The following KCNT2 variants were observed in gnomAD, a reference collection of about 807,000 sequenced individuals.
The protein encoded by KCNT2 is potassium sodium-activated channel subfamily T member 2, also known as potassium channel subfamily T member 2.
KCNT2 carries 67 observed loss-of-function variants against 153.8 expected under a neutral mutation model. That is an observed-to-expected ratio of 0.44 (90% CI 0.36 to 0.53). The LOEUF is 0.53. Among genes scored for constraint, KCNT2 ranks in the 20% least tolerant of loss-of-function variants. The pLI is 0.00. For synonymous variants in KCNT2, 500 were observed against 458.8 expected (o/e 1.09, Z -1.15); for missense variants, 975 against 1,354.8 (o/e 0.72, Z 4.40).
intron 12 of KCNT2, among the ~76,000 whole-genome samples, chr1:196,401,574 A>G (rs141865181): frequency 2.5e-4 from 38 of 151,928 alleles, no homozygotes; most frequent in Admixed American, 1.5e-3. Flanking sequence ...GCTTTGAAAC[A>G]GATTGGGAAT....
chr1:196,307,246 C>T lies in KCNT2; in HGVS notation c.2484-1901G>A. ...TGTTTCTTAGTTAAATCGGTTATTA[C>T]TATTTTCTTAGTTTTTAAAATTTTT... On this transcript the variant is annotated intron_variant, in intron 21 of 27. Coordinates refer to ENST00000294725, the MANE Select transcript of KCNT2 (RefSeq NM_198503.5). Among the ~76,000 whole-genome samples the T allele has an allele frequency of 1.3e-5, 2 of 152,166 alleles. 1 individual carries two copies. Among genetic ancestry groups the T allele is most frequent in the South Asian group, 4.1e-4 (2 of 4,824 alleles).
chr1:196,545,002 A>T (rs942366473), intron 1 of KCNT2, among the ~76,000 whole-genome samples: 1 of 152,134 alleles, frequency 6.6e-6, no homozygotes, highest in Non-Finnish European at 1.5e-5. Flanking sequence ...ACAGGAAAAA[A>T]GGGGGAAAAA....
intron 13 of KCNT2, among the ~76,000 whole-genome samples, chr1:196,379,561 GACTT>G (rs1669284926): frequency 8.2e-6 from 1 of 121,970 alleles, no homozygotes; most frequent in Non-Finnish European, 1.7e-5. Context: ...AATACAGTGA[GACTT>G]TCTCTCTCTC....
At chr1:196,314,371 A>AT (rs1662496329) in intron 21 of KCNT2, among the ~76,000 whole-genome samples, 1 of 151,396 alleles carries the variant, frequency 6.6e-6, no homozygotes. Flanking sequence ...CTACCCTGTA[A>AT]TTTTCTTTTA....
At chr1:196,572,861 GATGC>G (rs2148954687) in intron 1 of KCNT2, among the ~76,000 whole-genome samples, 1 of 152,130 alleles carries the variant, frequency 6.6e-6, no homozygotes, top group African/African-American at 2.4e-5. Flanking sequence ...GTTGTTTCTT[GATGC>G]ATGATGACAC....
chr1:196,587,802 C>T (rs1662869923), intron 1 of KCNT2, among the ~76,000 whole-genome samples: 1 of 151,948 alleles, frequency 6.6e-6, no homozygotes, highest in African/African-American at 2.4e-5. Flanking sequence ...TACGCAATGG[C>T]ATGGGTAGGG....
chr1:196,283,210 C>A (rs1330406605), intron 23 of KCNT2, among the ~76,000 whole-genome samples: 1 of 152,084 alleles, frequency 6.6e-6, no homozygotes, highest in Non-Finnish European at 1.5e-5. Context: ...CTGGGAGGCC[C>A]AGCACTCCTG....
chr1:196,436,936 A>T (rs1443142484), intron 8 of KCNT2, among the ~76,000 whole-genome samples: 1 of 142,088 alleles, frequency 7.0e-6, no homozygotes, highest in Non-Finnish European at 1.5e-5. Flanking sequence ...TAGTTGGTGG[A>T]TTTTAGTAAA....
In KCNT2 at chr1:196,394,706, A is replaced by C. The variant is rs188792618; in HGVS notation, c.1294+3857T>G. Among the ~76,000 whole-genome samples, 58 of 151,426 alleles carry C rather than the reference A, an allele frequency of 3.8e-4. No homozygotes were observed. In the East Asian group the frequency reaches 4.9e-3, roughly 13 times the overall value. ...AAAAGATGAATAGAAAGAAAAAAAA[A>C]CTCTTTTTAATTTTCCTTGTAGAGA... On this transcript the variant is annotated intron_variant, in intron 13 of 27. Coordinates refer to ENST00000294725, the MANE Select transcript of KCNT2 (RefSeq NM_198503.5).
intron 5 of KCNT2, among the ~76,000 whole-genome samples, chr1:196,470,855 T>C (rs920747693): frequency 6.7e-6 from 1 of 149,390 alleles, no homozygotes; most frequent in Non-Finnish European, 1.5e-5. Flanking sequence ...TTTGCATATA[T>C]TGACCCTAAT....
chr1:196,327,879 C>T (rs556583959), intron 18 of KCNT2, among the ~76,000 whole-genome samples: 41 of 151,786 alleles, frequency 2.7e-4, no homozygotes, highest in Non-Finnish European at 4.3e-4. Context: ...TCAAGCAATC[C>T]ACCCACCTCA....
At chr1:196,521,919 A>G (rs1019854554) in intron 1 of KCNT2, among the ~76,000 whole-genome samples, 1 of 152,178 alleles carries the variant, frequency 6.6e-6, no homozygotes, top group Non-Finnish European at 1.5e-5. Flanking sequence ...TATATAACAA[A>G]GTGAACATGT....
rs192463254 is a variant in KCNT2, at chr1:196,323,336, T to C, written c.2276+3381A>G. Among the ~76,000 whole-genome samples, 128 of 152,106 alleles carry C rather than the reference T, an allele frequency of 8.4e-4. 3 individuals are homozygous for C. In the East Asian group the frequency reaches 0.022, roughly 27 times the overall value. ...GCCTGGATCTTTCCCTTCATCCTTA[T>C]GTAGCTTTGGATAATATATTCTAGC... On this transcript the variant is annotated intron_variant, in intron 19 of 27. Transcript: ENST00000294725.
chr1:196,441,893 T>C (rs537166605), intron 8 of KCNT2, among the ~76,000 whole-genome samples: 4 of 151,912 alleles, frequency 2.6e-5, no homozygotes, highest in African/African-American at 7.2e-5. Context: ...GTGCTTAATG[T>C]AAAATGTATT....
rs112909164 is a variant in KCNT2 at position 196,434,193 on chromosome 1, T to A, written c.639-4436A>T. 4.9e-3 allele frequency among the ~76,000 whole-genome samples: 745 copies of A among 152,176 alleles called. 5 individuals carry two copies. The highest frequency in any genetic ancestry group is 0.017 in the African/African-American group (707 of 41,544). ...CAAAAATGGAATTGTATAACACTTC[T>A]GTGAAGTCAAGTTTTAAAATTTTAT... On this transcript the variant is annotated intron_variant, in intron 8 of 27. Coordinates refer to ENST00000294725, the MANE Select transcript of KCNT2 (RefSeq NM_198503.5).
Position 196,462,217 on chromosome 1 carries a change from C to T in KCNT2, c.638+3076G>A, listed in dbSNP as rs1192422592. 2.0e-5 allele frequency among the ~76,000 whole-genome samples: 3 copies of T among 151,292 alleles called. No individual in the cohort carries two copies. In the East Asian group the frequency reaches 5.8e-4, roughly 29 times the overall value. On this transcript the variant is annotated intron_variant, in intron 8 of 27. Coordinates refer to ENST00000294725, the MANE Select transcript of KCNT2 (RefSeq NM_198503.5). ...AAAATTATTCCCCTATTTACCATGCCCCTGGTTTTTATCTGTCATGTTACA... is the reference window on the plus strand; with the variant it reads ...AAAATTATTCCCCTATTTACCATGCTCCTGGTTTTTATCTGTCATGTTACA...
At chr1:196,569,157 TAA>T (rs1199690646) in intron 1 of KCNT2, among the ~76,000 whole-genome samples, 1 of 152,182 alleles carries the variant, frequency 6.6e-6, no homozygotes, top group African/African-American at 2.4e-5. Flanking sequence ...TGAAAAATTT[TAA>T]GTTAATTTGA....
rs527780740 is a variant in KCNT2 at position 196,241,749 on chromosome 1, T to C, written c.3212-5679A>G. Among the ~76,000 whole-genome samples the C allele has an allele frequency of 3.3e-5, 5 of 152,220 alleles. No homozygotes were observed. The East Asian group carries it at 9.6e-4, about 29-fold the overall frequency. Reference sequence around the variant, plus strand: ...ACTTGCCATGAGCCACTCCATCACTTACTAGCTTCCTGCAAATAAAACTAA... The same window carrying C: ...ACTTGCCATGAGCCACTCCATCACTCACTAGCTTCCTGCAAATAAAACTAA... On this transcript the variant is annotated intron_variant, in intron 26 of 27. Transcript: ENST00000294725.
At chr1:196,264,147 A>G (rs141223819) in intron 25 of KCNT2, among the ~76,000 whole-genome samples, 1 of 152,280 alleles carries the variant, frequency 6.6e-6, no homozygotes, top group East Asian at 1.9e-4. Flanking sequence ...TATTGCTTTA[A>G]GCACAGAAAA....
Sources: gnomAD v4.1 joint callset for allele counts (sites outside exome capture counted in the v4.1 genomes callset) on GRCh38, gnomAD v4.1.1 for gene constraint, MANE v1.5 for transcripts, NCBI Gene and HGNC (gene_info 2026-07-23, HGNC 2026-07-21) for gene names.